Variants in CCNT1 observed in about 807,000 individuals in gnomAD.
CCNT1 encodes cyclin T1.
Under a neutral mutation model 67.3 loss-of-function variants are expected in CCNT1, and 18 were observed. The observed-to-expected ratio is 0.27, with a 90% CI of 0.18 to 0.40. The LOEUF is 0.40. Among genes scored for constraint, CCNT1 ranks in the 10% least tolerant of loss-of-function variants. The probability of loss-of-function intolerance (pLI) is 1.00; values close to 1 mark genes in which losing one functional copy is unlikely to be tolerated. For missense variants in CCNT1, 744 were observed against 884.9 expected (o/e 0.84, Z 2.02); for synonymous variants, 333 against 310.3 (o/e 1.07, Z -0.77).
intron 2 of CCNT1, 143 bp from the exon 3 acceptor site, chr12:48,706,039 C>G: frequency 1.6e-6 from 1 of 637,590 alleles, no homozygotes; most frequent in Non-Finnish European, 2.6e-6. Context: ...CGCCCCCCCG[C>G]TTCTACCATC....
Position 48,689,238 on chromosome 12 carries a change from C to T in CCNT1, c.*3795G>A, listed in dbSNP as rs1473409973. The T allele has an allele frequency of 6.6e-6, 1 of 152,132 alleles. No homozygotes were observed. The highest frequency in any genetic ancestry group is 1.5e-5 in the Non-Finnish European group (1 of 68,038). The allele number at this position is 152,132 out of a possible 1,614,324, so 9.4% of individuals were successfully genotyped here. On this transcript the variant is annotated 3_prime_UTR_variant, in exon 9 of 9. Transcript: ENST00000261900. ...TTTTCTTTACCTCCCTTTTCCAATGCCAAGTTCATATGAAAAACTTTAGAA... is the reference window on the plus strand; with the variant it reads ...TTTTCTTTACCTCCCTTTTCCAATGTCAAGTTCATATGAAAAACTTTAGAA...
At position 48,692,372 on chromosome 12, in the gene CCNT1, A is replaced by C. The variant is rs1940089250; in HGVS notation, c.*661T>G. 6.6e-6 allele frequency: 1 copy of C among 152,074 alleles called. No homozygotes were observed. The highest frequency in any genetic ancestry group is 2.1e-4 in the South Asian group (1 of 4,832). 9.4% of individuals were successfully genotyped at this position (152,074 alleles called of 1,614,324 possible). ...ATTATTTTTAAACACACACACTTAA[A>C]AACACACATACCCACACTTACATAC... On this transcript the variant is annotated 3_prime_UTR_variant, in exon 9 of 9. Transcript: ENST00000261900.
At chr12:48,700,919 T>C (rs1469374462) in intron 4 of CCNT1, 94 bp downstream of exon 4, 13 of 724,054 alleles carry the variant, frequency 1.8e-5, no homozygotes, top group South Asian at 3.9e-5. Flanking sequence ...ACAAAAACTT[T>C]CCCAAGAAAT....
In CCNT1 at chr12:48,696,062, A is replaced by C. The variant is rs774840664; in HGVS notation, c.643T>G (p.Ser215Ala). Residue 215 changes from serine (S) to alanine (A), a missense_variant, in exon 7 of 9, where the codon TCA becomes GCA. Coordinates refer to ENST00000261900, the MANE Select transcript of CCNT1 (RefSeq NM_001240.4). ...TCCCACCAGTGCTTCCCGTCAGTTGAGACTGGGATCTCCCAATTGGACCAC... is the reference window on the plus strand; with the variant it reads ...TCCCACCAGTGCTTCCCGTCAGTTGCGACTGGGATCTCCCAATTGGACCAC... ...CKWSNWEIPV[S>A]TDGKHWWEYV... 1 of 1,614,016 alleles carries C rather than the reference A, an allele frequency of 6.2e-7. No homozygotes were observed. Among genetic ancestry groups the C allele is most frequent in the African/African-American group, 1.3e-5 (1 of 74,960 alleles).
chr12:48,707,031 G>A (rs1432243291), intron 2 of CCNT1, among the ~76,000 whole-genome samples: 1 of 152,130 alleles, frequency 6.6e-6, no homozygotes, highest in Non-Finnish European at 1.5e-5. Flanking sequence ...TAGTGAGAGA[G>A]ACTCCATCTC....
chr12:48,712,804 G>C (rs941832843), intron 2 of CCNT1, among the ~76,000 whole-genome samples: 1 of 151,818 alleles, frequency 6.6e-6, no homozygotes, highest in African/African-American at 2.4e-5. Context: ...GCCAGGTGTG[G>C]TGGCACATGC....
Position 48,692,991 on chromosome 12 carries a change from GT to G in CCNT1, c.*41del, listed in dbSNP as rs754137865. On this transcript the variant is annotated 3_prime_UTR_variant, in exon 9 of 9. Transcript: ENST00000261900. ...CAAAAAAAAAAAAGAAAAATTATGT[GT>G]TTTTTTAAAGAAGTTTTTTTCTCCT... 4 of 1,257,844 alleles carry G rather than the reference GT, an allele frequency of 3.2e-6. No homozygotes were observed. Among genetic ancestry groups the G allele is most frequent in the Admixed American group, 2.8e-5 (1 of 36,032 alleles). The allele number at this position is 1,257,844 out of a possible 1,614,324, so 77.9% of individuals were successfully genotyped here.
intron 2 of CCNT1, among the ~76,000 whole-genome samples, chr12:48,711,680 A>G (rs963325888): frequency 9.9e-5 from 15 of 151,944 alleles, no homozygotes; most frequent in Admixed American, 3.3e-4. Flanking sequence ...CTCTCTTTTA[A>G]TAAGAAGGAT....
rs1940077756 is a variant in CCNT1 at position 48,691,745 on chromosome 12, T to C, written c.*1288A>G. On this transcript the variant is annotated 3_prime_UTR_variant, in exon 9 of 9. Coordinates refer to ENST00000261900, the MANE Select transcript of CCNT1 (RefSeq NM_001240.4). ...CTCATTCTCATGGCACCAGTACTGT[T>C]AAATTCACAAGCTCCAATCTCAAGT... 6.6e-6 allele frequency: 1 copy of C among 152,210 alleles called. No individual in the cohort carries two copies. Among genetic ancestry groups the C allele is most frequent in the Admixed American group, 6.5e-5 (1 of 15,282 alleles). 9.4% of individuals were successfully genotyped at this position (152,210 alleles called of 1,614,324 possible). A position where few individuals can be genotyped will look rare whatever the true frequency, so the allele number is the denominator to read the frequency against.
chr12:48,714,359 C>A, intron 2 of CCNT1, 84 bp downstream of exon 2: 1 of 804,966 alleles, frequency 1.2e-6, no homozygotes, highest in Non-Finnish European at 2.1e-6. Flanking sequence ...AGTTACAGTT[C>A]AGTAGCAAAG....
At chr12:48,715,103 G>A (rs1464350318) in intron 1 of CCNT1, among the ~76,000 whole-genome samples, 1 of 152,210 alleles carries the variant, frequency 6.6e-6, no homozygotes. Flanking sequence ...GCGAGCCACC[G>A]CGCCTGGCTG....
At chr12:48,715,453 A>AT (rs1001599937) in intron 1 of CCNT1, among the ~76,000 whole-genome samples, 4 of 149,878 alleles carry the variant, frequency 2.7e-5, no homozygotes, top group South Asian at 2.1e-4. Flanking sequence ...AGGTTACCTC[A>AT]TTTTTTTTTT....
chr12:48,696,421 C>CAA (rs112293009), intron 6 of CCNT1, among the ~76,000 whole-genome samples: 1 of 106,774 alleles, frequency 9.4e-6, no homozygotes, highest in Non-Finnish European at 2.0e-5. Flanking sequence ...TGACCAGAGC[C>CAA]AAAAAAAAAA....
chr12:48,696,506 G>C (rs1442575619), intron 6 of CCNT1, among the ~76,000 whole-genome samples: 1 of 151,464 alleles, frequency 6.6e-6, no homozygotes, highest in East Asian at 1.9e-4. Flanking sequence ...TTCAAGCCTA[G>C]AAGTCAATAT....
chr12:48,697,308 C>A (rs1940184712), intron 6 of CCNT1, among the ~76,000 whole-genome samples: 3 of 150,952 alleles, frequency 2.0e-5, no homozygotes, highest in Admixed American at 6.6e-5. Flanking sequence ...TCACTTGAGG[C>A]CAGGAGTTTG....
At chr12:48,695,931 C>A in intron 7 of CCNT1, 68 bp downstream of exon 7, 2 of 1,576,250 alleles carry the variant, frequency 1.3e-6, no homozygotes, top group South Asian at 2.2e-5. Context: ...TGAATCAAGT[C>A]ACCTTTGGCC....
intron 5 of CCNT1, 138 bp downstream of exon 5, chr12:48,699,640 G>A (rs1940232645): frequency 3.6e-6 from 2 of 553,230 alleles, no homozygotes; most frequent in Non-Finnish European, 6.6e-6. Context: ...CATCAAGTCA[G>A]AACAACTCAT....
intron 6 of CCNT1, among the ~76,000 whole-genome samples, chr12:48,697,534 A>AAAATATATATATAT (rs1288926072): frequency 7.7e-6 from 1 of 130,710 alleles, no homozygotes; most frequent in African/African-American, 3.0e-5. Flanking sequence ...AAAAAAAAAA[A>AAAATATATATATAT]ATATATATAT....
chr12:48,710,369 G>A (rs1940431043), intron 2 of CCNT1, among the ~76,000 whole-genome samples: 1 of 152,144 alleles, frequency 6.6e-6, no homozygotes, highest in Non-Finnish European at 1.5e-5. Flanking sequence ...ATGTTAAAAG[G>A]TGATATTAAA....
Sources: allele counts gnomAD v4.1 joint callset (sites outside exome capture counted in the v4.1 genomes callset), GRCh38; gene constraint gnomAD v4.1.1; transcripts MANE v1.5; gene names NCBI Gene and HGNC (gene_info 2026-07-23, HGNC 2026-07-21).